Variants in GABRG3 observed in about 807,000 individuals in gnomAD.
GABRG3 encodes the protein gamma-aminobutyric acid receptor subunit gamma-3.
A neutral mutation model predicts 48.8 loss-of-function variants in GABRG3; 25 were observed. The observed-to-expected ratio is 0.51, with a 90% CI of 0.37 to 0.72. GABRG3 has a LOEUF of 0.72. Ranked by LOEUF, GABRG3 falls within the 30% of genes least tolerant of loss-of-function variation. The pLI is 0.00. For missense variants in GABRG3, 394 were observed against 577.9 expected (o/e 0.68, Z 3.26); for synonymous variants, 227 against 217.6 (o/e 1.04, Z -0.38).
chr15:27,446,973 T>C (rs1259468951), intron 5 of GABRG3, among the ~76,000 whole-genome samples: 2 of 152,170 alleles, frequency 1.3e-5, no homozygotes, highest in Non-Finnish European at 2.9e-5. Flanking sequence ...GAGTTAGCTT[T>C]CCCACCCTCT....
At chr15:27,461,258 C>A (rs1462536102) in intron 5 of GABRG3, among the ~76,000 whole-genome samples, 2 of 152,176 alleles carry the variant, frequency 1.3e-5, no homozygotes, top group African/African-American at 4.8e-5. Context: ...CACAGCAACC[C>A]ACATGTGTGC....
At chr15:26,983,369 C>T (rs138681823) in intron 2 of GABRG3, among the ~76,000 whole-genome samples, 192 of 152,244 alleles carry the variant, frequency 1.3e-3, no homozygotes, top group African/African-American at 4.3e-3. Context: ...TTGCGATCTT[C>T]TGATGGCGAG....
At chr15:27,349,935 C>CT (rs371119700) in intron 5 of GABRG3, among the ~76,000 whole-genome samples, 143,962 of 144,480 alleles carry the variant, frequency 1, 71,723 homozygotes, top group East Asian at 1. Flanking sequence ...GCCCTAAGGT[C>CT]TTTTTTTTTT....
At position 26,971,512 on chromosome 15, in the gene GABRG3, C is replaced by T. The variant is rs563138846; in HGVS notation, c.-24C>T. ...CCGCGCCCGGCCGAGGCCCCGGACC[C>T]TGCGCCCCGAGCTCCACGGCACCAT... On this transcript the variant is annotated 5_prime_UTR_variant, in exon 1 of 10. Transcript: ENST00000615808. The T allele has an allele frequency of 3.8e-5, 57 of 1,506,212 alleles. No individual in the cohort carries two copies. The highest frequency in any genetic ancestry group is 2.1e-4 in the Admixed American group (10 of 47,184). 93.3% of individuals were successfully genotyped at this position (1,506,212 alleles called of 1,614,324 possible).
chr15:27,014,187 C>T (rs115303823), intron 2 of GABRG3, among the ~76,000 whole-genome samples: 1,601 of 151,994 alleles, frequency 0.011, 22 homozygotes, highest in African/African-American at 0.037. Context: ...TGAGTCTTCT[C>T]TCATTTTTTT....
At chr15:27,148,094 G>T (rs954245278) in intron 3 of GABRG3, among the ~76,000 whole-genome samples, 1 of 151,772 alleles carries the variant, frequency 6.6e-6, no homozygotes, top group Non-Finnish European at 1.5e-5. Flanking sequence ...AAGAGTAGAC[G>T]CACATTACTT....
chr15:27,218,328 G>T, intron 3 of GABRG3, among the ~76,000 whole-genome samples: 1 of 152,258 alleles, frequency 6.6e-6, no homozygotes, highest in South Asian at 2.1e-4. Flanking sequence ...TTCGTGGCAG[G>T]AAACTCCCTT....
chr15:27,101,943 G>A (rs988555160), intron 3 of GABRG3, among the ~76,000 whole-genome samples: 11 of 151,900 alleles, frequency 7.2e-5, no homozygotes, highest in Admixed American at 2.0e-4. Flanking sequence ...ATCCTGGGCT[G>A]CACGTGGCCT....
chr15:27,388,975 T>G lies in GABRG3; in HGVS notation c.574+60087T>G, dbSNP rs145787044. On this transcript the variant is annotated intron_variant, in intron 5 of 9. Coordinates refer to ENST00000615808, the MANE Select transcript of GABRG3 (RefSeq NM_033223.5). ...CAATCCAATATATTAGCTTTTATTTTCTGCATAAGTTTAATTTACATTTGA... is the reference window on the plus strand; with the variant it reads ...CAATCCAATATATTAGCTTTTATTTGCTGCATAAGTTTAATTTACATTTGA... 9.4e-3 allele frequency among the ~76,000 whole-genome samples: 1,437 copies of G among 152,310 alleles called. 17 individuals carry two copies. Among genetic ancestry groups the G allele is most frequent in the African/African-American group, 0.033 (1,360 of 41,568 alleles).
chr15:27,242,201 CA>C (rs1172512865), intron 3 of GABRG3, among the ~76,000 whole-genome samples: 1 of 152,202 alleles, frequency 6.6e-6, no homozygotes, highest in Non-Finnish European at 1.5e-5. Context: ...ATCTTTTTAG[CA>C]ACAGCTCAGA....
At chr15:27,384,388 A>C (rs546369170) in intron 5 of GABRG3, among the ~76,000 whole-genome samples, 4 of 152,218 alleles carry the variant, frequency 2.6e-5, no homozygotes, top group African/African-American at 9.6e-5. Context: ...GATTCCAGTC[A>C]TCCTATCACA....
intron 3 of GABRG3, among the ~76,000 whole-genome samples, chr15:27,257,356 T>TTA (rs1890652671): frequency 6.6e-6 from 1 of 152,208 alleles, no homozygotes; most frequent in Admixed American, 6.5e-5. Flanking sequence ...GGTTGTCTCT[T>TTA]TGTTGATTGT....
chr15:27,197,072 C>A (rs1164734902), intron 3 of GABRG3, among the ~76,000 whole-genome samples: 1 of 152,166 alleles, frequency 6.6e-6, no homozygotes, highest in East Asian at 1.9e-4. Context: ...TAGAACGATC[C>A]TTCTCATTCC....
intron 3 of GABRG3, among the ~76,000 whole-genome samples, chr15:27,077,620 C>T (rs1009330057): frequency 6.6e-6 from 1 of 152,176 alleles, no homozygotes; most frequent in African/African-American, 2.4e-5. Flanking sequence ...GAGCCTTCTT[C>T]CCCATCACTC....
At chr15:27,099,603 G>T (rs12905022) in intron 3 of GABRG3, among the ~76,000 whole-genome samples, 1 of 151,778 alleles carries the variant, frequency 6.6e-6, no homozygotes, top group Non-Finnish European at 1.5e-5. Flanking sequence ...TTTAACATTC[G>T]AATTTTGGAG....
chr15:27,128,971 T>C (rs1332872546), intron 3 of GABRG3, among the ~76,000 whole-genome samples: 1 of 152,232 alleles, frequency 6.6e-6, no homozygotes, highest in African/African-American at 2.4e-5. Flanking sequence ...TTCTCACATA[T>C]TTAGATAAAA....
intron 3 of GABRG3, among the ~76,000 whole-genome samples, chr15:27,049,205 T>G (rs114717193): frequency 0.012 from 1,865 of 152,340 alleles, 37 homozygotes; most frequent in African/African-American, 0.042. Context: ...GAGCCCTGCA[T>G]TTTTATTTTG....
rs117784861 is a variant in GABRG3, at chr15:27,484,512, G to A, written c.712+3725G>A. ...TACATGTATGAGTTGATAGACACAC[G>A]TATATTTCCTGCTCTGTCAGCTGAG... On this transcript the variant is annotated intron_variant, in intron 6 of 9. Transcript: ENST00000615808. 7.9e-4 allele frequency among the ~76,000 whole-genome samples: 120 copies of A among 152,284 alleles called. 1 individual carries two copies. The East Asian group carries it at 0.021, about 27-fold the overall frequency.
intron 2 of GABRG3, among the ~76,000 whole-genome samples, chr15:27,023,275 C>T (rs1383467221): frequency 6.6e-6 from 1 of 152,168 alleles, no homozygotes; most frequent in East Asian, 1.9e-4. Context: ...CCATCTTTCT[C>T]TTGGCTACAT....
Sources: allele counts gnomAD v4.1 joint callset (sites outside exome capture counted in the v4.1 genomes callset), GRCh38; gene constraint gnomAD v4.1.1; transcripts MANE v1.5; gene names NCBI Gene and HGNC (gene_info 2026-07-23, HGNC 2026-07-21).